The following CALCR variants were observed in gnomAD, a reference collection of about 807,000 sequenced individuals.
CALCR encodes calcitonin receptor.
Under a neutral mutation model 59.5 loss-of-function variants are expected in CALCR, and 47 were observed. That is an observed-to-expected ratio of 0.79 (90% CI 0.63 to 1.01). CALCR has a LOEUF of 1.01. Ranked by LOEUF, CALCR falls within the 50% of genes least tolerant of loss-of-function variation. The probability of loss-of-function intolerance (pLI) is 0.00; values close to 1 mark genes in which losing one functional copy is unlikely to be tolerated. For synonymous variants in CALCR, 213 were observed against 211.3 expected (o/e 1.01, Z -0.07); for missense variants, 566 against 597.1 (o/e 0.95, Z 0.54).
At chr7:93,469,133 A>G (rs550032985) in intron 6 of CALCR, among the ~76,000 whole-genome samples, 1 of 151,886 alleles carries the variant, frequency 6.6e-6, no homozygotes, top group African/African-American at 2.4e-5. Context: ...TAACTTCTGG[A>G]ATCTTTTAGA....
intron 8 of CALCR, among the ~76,000 whole-genome samples, chr7:93,459,983 T>C (rs1800282477): frequency 6.6e-6 from 1 of 152,182 alleles, no homozygotes; most frequent in African/African-American, 2.4e-5. Flanking sequence ...TCCTGTGTCA[T>C]TATAAACCTT....
intron 2 of CALCR, among the ~76,000 whole-genome samples, chr7:93,573,473 C>A (rs757996237): frequency 5.9e-5 from 9 of 152,184 alleles, no homozygotes; most frequent in Non-Finnish European, 1.3e-4. Context: ...TCCTTAAGAT[C>A]GGCAAGTGAA....
Position 93,472,491 on chromosome 7 carries a change from T to G in CALCR, c.317-4A>C. ...TCACAGTATTTTGTAACCTTTTCTG[T>G]TAATGAAACATAACAGTTATTGCAT... is the stretch of plus-strand genomic sequence containing the variant. On this transcript the variant is annotated splice_polypyrimidine_tract_variant and splice_region_variant and intron_variant, in intron 5 of 13. Coordinates refer to ENST00000426151, the MANE Select transcript of CALCR (RefSeq NM_001742.4). 1 of 1,502,926 alleles carries G rather than the reference T, an allele frequency of 6.7e-7. No homozygotes were observed. Among genetic ancestry groups the G allele is most frequent in the Non-Finnish European group, 9.2e-7 (1 of 1,081,964 alleles). The allele number at this position is 1,502,926 out of a possible 1,614,324, so 93.1% of individuals were successfully genotyped here. A position where few individuals can be genotyped will look rare whatever the true frequency, so the allele number is the denominator to read the frequency against.
intron 2 of CALCR, among the ~76,000 whole-genome samples, chr7:93,519,089 AT>A (rs937376569): frequency 6.6e-6 from 1 of 151,894 alleles, no homozygotes; most frequent in African/African-American, 2.4e-5. Flanking sequence ...ATAATCTTCT[AT>A]TTTTTAAGAG....
chr7:93,568,325 T>C (rs940561170), intron 2 of CALCR, among the ~76,000 whole-genome samples: 2 of 152,190 alleles, frequency 1.3e-5, no homozygotes, highest in African/African-American at 4.8e-5. Context: ...ATTGAAATTA[T>C]TGTGTACAAT....
chr7:93,506,003 T>C (rs1801417038), intron 2 of CALCR, among the ~76,000 whole-genome samples: 1 of 152,206 alleles, frequency 6.6e-6, no homozygotes, highest in African/African-American at 2.4e-5. Flanking sequence ...GATATTGCTT[T>C]GTCAAGCCTG....
intron 2 of CALCR, among the ~76,000 whole-genome samples, chr7:93,513,362 GGTTT>G (rs1246775533): frequency 1.3e-5 from 2 of 152,038 alleles, no homozygotes; most frequent in African/African-American, 4.8e-5. Flanking sequence ...AGTATATATA[GGTTT>G]ATTTACTAGG....
At position 93,426,485 on chromosome 7, in the gene CALCR, A is replaced by G; in HGVS notation, c.1296T>C (p.Ala432=). 4 of 1,613,530 alleles carry G rather than the reference A, an allele frequency of 2.5e-6. No homozygotes were observed. The highest frequency in any genetic ancestry group is 3.4e-6 in the Non-Finnish European group (4 of 1,179,532). ...AAATTGGGATGTCGCCAGCCTCCGCAGCAGCGGCTGCAGCGCGAGCAGAGC... is the reference window on the plus strand; with the variant it reads ...AAATTGGGATGTCGCCAGCCTCCGCGGCAGCGGCTGCAGCGCGAGCAGAGC... ...SNRSARAAAA[A]AEAGDIPIYI... is the part of the protein sequence containing the mutation. Residue 432 remains alanine (A), a synonymous_variant, in exon 14 of 14, where the codon GCT becomes GCC. Transcript: ENST00000426151.
At chr7:93,554,056 A>G (rs549945434) in intron 2 of CALCR, among the ~76,000 whole-genome samples, 9 of 152,280 alleles carry the variant, frequency 5.9e-5, no homozygotes, top group African/African-American at 1.9e-4. Context: ...TTAAACTTTA[A>G]CTGTAAAACT....
chr7:93,477,222 A>G (rs991375448), intron 5 of CALCR, among the ~76,000 whole-genome samples: 1 of 152,022 alleles, frequency 6.6e-6, no homozygotes, highest in Middle Eastern at 3.4e-3. Context: ...GGTCTCCTTC[A>G]TAATTAAGAT....
chr7:93,513,051 C>G (rs1801580108), intron 2 of CALCR, among the ~76,000 whole-genome samples: 2 of 152,116 alleles, frequency 1.3e-5, no homozygotes, highest in African/African-American at 4.8e-5. Flanking sequence ...AATACATGTC[C>G]ATTGCCCAAA....
At chr7:93,511,733 T>C (rs2116047763) in intron 2 of CALCR, among the ~76,000 whole-genome samples, 1 of 152,268 alleles carries the variant, frequency 6.6e-6, no homozygotes, top group East Asian at 1.9e-4. Context: ...GATGAAACTG[T>C]AGTGAATGAT....
In CALCR at chr7:93,483,450, TAGATAGACAGAC is replaced by T. The variant is rs1430623342; in HGVS notation, c.51+3469_51+3480del. ...ATAGATAGATAGATAGATAGATAGATAGATAGACAGACAGATAGATAGATATAAACATATAAA... is the reference window on the plus strand; with the variant it reads ...ATAGATAGATAGATAGATAGATAGATAGATAGATAGATATAAACATATAAA... On this transcript the variant is annotated intron_variant, in intron 3 of 13. Transcript: ENST00000426151. 9.7e-5 allele frequency among the ~76,000 whole-genome samples: 13 copies of T among 133,538 alleles called. No homozygotes were observed. In the East Asian group the frequency reaches 1.7e-3, roughly 17 times the overall value. The allele number at this position is 133,538 out of a possible 152,430, so 87.6% of individuals were successfully genotyped here.
At chr7:93,426,893 T>A (rs948126326) in intron 13 of CALCR, among the ~76,000 whole-genome samples, 2 of 152,240 alleles carry the variant, frequency 1.3e-5, no homozygotes, top group Non-Finnish European at 2.9e-5. Context: ...ACAGGTAATG[T>A]GGTATACATG....
At chr7:93,554,830 C>G (rs1437125737) in intron 2 of CALCR, among the ~76,000 whole-genome samples, 1 of 144,490 alleles carries the variant, frequency 6.9e-6, no homozygotes, top group Non-Finnish European at 1.5e-5. Flanking sequence ...CACAATATCA[C>G]TATTTGAGCA....
At chr7:93,532,714 T>C (rs977985578) in intron 2 of CALCR, among the ~76,000 whole-genome samples, 2 of 151,738 alleles carry the variant, frequency 1.3e-5, no homozygotes, top group Admixed American at 6.6e-5. Context: ...TTGTGGCCTA[T>C]GGAAGCAATT....
chr7:93,534,860 A>G (rs1788945769), intron 2 of CALCR, among the ~76,000 whole-genome samples: 1 of 151,700 alleles, frequency 6.6e-6, no homozygotes, highest in Non-Finnish European at 1.5e-5. Flanking sequence ...TCCCATACGG[A>G]ATTATTCAAA....
At chr7:93,503,119 C>A (rs1336888349) in intron 2 of CALCR, among the ~76,000 whole-genome samples, 1 of 151,818 alleles carries the variant, frequency 6.6e-6, no homozygotes, top group Non-Finnish European at 1.5e-5. Flanking sequence ...ATGATTTTTT[C>A]TTTTCCTCAA....
intron 3 of CALCR, chr7:93,482,996 T>C (rs915564517): frequency 7.9e-5 from 34 of 430,610 alleles, no homozygotes; most frequent in Middle Eastern, 9.8e-4. Flanking sequence ...AACATACCCA[T>C]TGGGGCATTA....
Sources: gnomAD v4.1 joint callset for allele counts (sites outside exome capture counted in the v4.1 genomes callset) on GRCh38, gnomAD v4.1.1 for gene constraint, MANE v1.5 for transcripts, NCBI Gene and HGNC (gene_info 2026-07-23, HGNC 2026-07-21) for gene names.